The following ZNF8 variants were observed in gnomAD, a reference collection of about 807,000 sequenced individuals.
ZNF8 encodes the protein zinc finger protein 272.
ZNF8 carries 9 observed loss-of-function variants against 12.2 expected under a neutral mutation model. That is an observed-to-expected ratio of 0.73 (90% CI 0.44 to 1.28). ZNF8 has a LOEUF of 1.28. ZNF8 is among the 50% of genes most tolerant of loss of function. The pLI is 0.00. For missense variants in ZNF8, 664 were observed against 729.1 expected (o/e 0.91, Z 1.03); for synonymous variants, 274 against 282.3 (o/e 0.97, Z 0.30).
In ZNF8 at chr19:58,283,895, A is replaced by G. The variant is rs192988027; in HGVS notation, c.67-1822A>G. On this transcript the variant is annotated intron_variant, in intron 1 of 3. Coordinates refer to ENST00000621650, the MANE Select transcript of ZNF8 (RefSeq NM_021089.3). ...ATTACAGGCATGAGCCACCGCTCCC[A>G]GCCCACAAATAAACTGTCTTCATCA... Among the ~76,000 whole-genome samples, 833 of 152,006 alleles carry G rather than the reference A, an allele frequency of 5.5e-3. 3 individuals carry two copies. Among genetic ancestry groups the G allele is most frequent in the Non-Finnish European group, 8.8e-3 (601 of 67,962 alleles).
chr19:58,279,427 C>T lies in ZNF8; in HGVS notation c.66+280C>T, dbSNP rs530852120. ...CATTCCCGAGAGAATCGAGCAGGCCCATCTCCTGCGTTCTGCTCCGCCCCG... is the reference window on the plus strand; with the variant it reads ...CATTCCCGAGAGAATCGAGCAGGCCTATCTCCTGCGTTCTGCTCCGCCCCG... On this transcript the variant is annotated intron_variant, in intron 1 of 3. Coordinates refer to ENST00000621650, the MANE Select transcript of ZNF8 (RefSeq NM_021089.3). 1.7e-4 allele frequency: 246 copies of T among 1,450,880 alleles called. 2 individuals carry two copies. The South Asian group carries it at 2.9e-3, about 17-fold the overall frequency. 89.9% of individuals were successfully genotyped at this position (1,450,880 alleles called of 1,614,324 possible). A position where few individuals can be genotyped will look rare whatever the true frequency, so the allele number is the denominator to read the frequency against.
intron 1 of ZNF8, chr19:58,279,666 C>A (rs1483915513): frequency 6.5e-7 from 1 of 1,533,250 alleles, no homozygotes; most frequent in Non-Finnish European, 8.7e-7. Flanking sequence ...TCACCACGCA[C>A]TGAGTGTGAT....
chr19:58,279,314 A>G, intron 1 of ZNF8, 167 bp downstream of exon 1: 2 of 1,493,474 alleles, frequency 1.3e-6, no homozygotes, highest in Non-Finnish European at 1.8e-6. Context: ...CTGGCTGGTC[A>G]GAGAGGGGGC....
chr19:58,295,868 GTAA>G lies in ZNF8; in HGVS notation c.*333_*335del. 1.5e-5 allele frequency: 4 copies of G among 264,078 alleles called. No homozygotes were observed. The highest frequency in any genetic ancestry group is 5.0e-5 in the Admixed American group (1 of 20,114). The allele number at this position is 264,078 out of a possible 1,614,324, so 16.4% of individuals were successfully genotyped here. A position where few individuals can be genotyped will look rare whatever the true frequency, so the allele number is the denominator to read the frequency against. On this transcript the variant is annotated 3_prime_UTR_variant, in exon 4 of 4. Transcript: ENST00000621650. Reference sequence around the variant, plus strand: ...TAAAATGAAAGTAATTTATGGTAGAGTAAATTGTAGAGTAACGTGTACTGACTT... The same window carrying G: ...TAAAATGAAAGTAATTTATGGTAGAGATTGTAGAGTAACGTGTACTGACTT...
In ZNF8 at chr19:58,295,438, C is replaced by T; in HGVS notation, c.1630C>T (p.Gln544Ter). The T allele has an allele frequency of 6.2e-7, 1 of 1,613,848 alleles. No homozygotes were observed. Among genetic ancestry groups the T allele is most frequent in the Non-Finnish European group, 8.5e-7 (1 of 1,179,998 alleles). Residue 544 changes from glutamine (Q) to a stop codon, truncating the protein, a stop_gained, in exon 4 of 4, where the codon CAA (glutamine) becomes TAA (stop). Transcript: ENST00000621650. LOFTEE classifies it low-confidence loss of function (END_TRUNC). ...ESRALALFDI[Q>*]KIMQEKNPVH... ...CAGAGCCCTGGCTTTGTTTGACATC[C>T]AAAAAATCATGCAAGAGAAAAACCC...
intron 3 of ZNF8, among the ~76,000 whole-genome samples, chr19:58,291,754 G>A (rs766505597): frequency 6.6e-6 from 1 of 152,194 alleles, no homozygotes; most frequent in Non-Finnish European, 1.5e-5. Flanking sequence ...CTCATGCCCC[G>A]GGACTGGCAG....
chr19:58,299,879 A>C lies in ZNF8; in HGVS notation c.*4343A>C, dbSNP rs1354757062. Reference sequence around the variant, plus strand: ...CTGGCCTCCAGGATGCCAGAGCCAGAGCTTTGTGGTTCATCTCTAGAGGTT... The same window carrying C: ...CTGGCCTCCAGGATGCCAGAGCCAGCGCTTTGTGGTTCATCTCTAGAGGTT... On this transcript the variant is annotated 3_prime_UTR_variant, in exon 4 of 4. Coordinates refer to ENST00000621650, the MANE Select transcript of ZNF8 (RefSeq NM_021089.3). 6.6e-6 allele frequency: 1 copy of C among 152,170 alleles called. No homozygotes were observed. The highest frequency in any genetic ancestry group is 1.5e-5 in the Non-Finnish European group (1 of 68,056). 9.4% of individuals were successfully genotyped at this position (152,170 alleles called of 1,614,324 possible). A position where few individuals can be genotyped will look rare whatever the true frequency, so the allele number is the denominator to read the frequency against.
At position 58,296,973 on chromosome 19, in the gene ZNF8, T is replaced by C. The variant is rs940434899; in HGVS notation, c.*1437T>C. The C allele has an allele frequency of 3.3e-5, 5 of 152,228 alleles. No individual in the cohort carries two copies. Among genetic ancestry groups the C allele is most frequent in the African/African-American group, 1.2e-4 (5 of 41,452 alleles). 9.4% of individuals were successfully genotyped at this position (152,228 alleles called of 1,614,324 possible). On this transcript the variant is annotated 3_prime_UTR_variant, in exon 4 of 4. Coordinates refer to ENST00000621650, the MANE Select transcript of ZNF8 (RefSeq NM_021089.3). ...GCAGCCAGCTGTGGTGGCTCACGCT[T>C]GTGATCCCAGCACTGTGGGAGGCTG...
chr19:58,295,865 A>ACGGCGACCACC lies in ZNF8; in HGVS notation c.*329_*330insCGGCGACCACC. 7.3e-6 allele frequency: 2 copies of ACGGCGACCACC among 272,210 alleles called. No individual in the cohort carries two copies. Among genetic ancestry groups the ACGGCGACCACC allele is most frequent in the Admixed American group, 4.9e-5 (1 of 20,314 alleles). 16.9% of individuals were successfully genotyped at this position (272,210 alleles called of 1,614,324 possible). A position where few individuals can be genotyped will look rare whatever the true frequency, so the allele number is the denominator to read the frequency against. ...CATTAAAATGAAAGTAATTTATGGT[A>ACGGCGACCACC]GAGTAAATTGTAGAGTAACGTGTAC... On this transcript the variant is annotated 3_prime_UTR_variant, in exon 4 of 4. Transcript: ENST00000621650.
intron 1 of ZNF8, among the ~76,000 whole-genome samples, chr19:58,285,340 ATTAG>A (rs1300812105): frequency 6.6e-6 from 1 of 152,104 alleles, no homozygotes; most frequent in South Asian, 2.1e-4. Flanking sequence ...TAGTGAGTGT[ATTAG>A]TTAGCTGCTG....
chr19:58,284,104 G>A (rs907709137), intron 1 of ZNF8, among the ~76,000 whole-genome samples: 4 of 152,020 alleles, frequency 2.6e-5, no homozygotes, highest in Admixed American at 2.6e-4. Flanking sequence ...TGCACCTGTA[G>A]TCCTAGCTAC....
In ZNF8 at chr19:58,279,048, A is replaced by C. The variant is rs1600449133; in HGVS notation, c.-34A>C. 1.4e-6 allele frequency: 2 copies of C among 1,399,532 alleles called. No individual in the cohort carries two copies. Among genetic ancestry groups the C allele is most frequent in the Non-Finnish European group, 1.9e-6 (2 of 1,067,862 alleles). 86.7% of individuals were successfully genotyped at this position (1,399,532 alleles called of 1,614,324 possible). A position where few individuals can be genotyped will look rare whatever the true frequency, so the allele number is the denominator to read the frequency against. On this transcript the variant is annotated 5_prime_UTR_variant, in exon 1 of 4. Transcript: ENST00000621650. ...GGAGTGCCTCTCTGGTCTGGGGATC[A>C]CCTCAGGCGCTGTCCTTCACTGGGC...
rs777954745 is a variant in ZNF8, at chr19:58,295,057, C to T, written c.1249C>T (p.Arg417Trp). ...CAGCTCATCCCTGGCCCAGCACCAG[C>T]GGAAGCACGCGGGGGAGAAGCCCTT... is the stretch of plus-strand genomic sequence containing the variant. Reference protein sequence around the residue: ...RHSSSLAQHQRKHAGEKPFEC... With the variant: ...RHSSSLAQHQWKHAGEKPFEC... The change falls in exon 4 of 4, where the codon CGG becomes TGG. Residue 417 changes from arginine (R) to tryptophan (W), a missense_variant. Transcript: ENST00000621650. 2.5e-5 allele frequency: 41 copies of T among 1,613,978 alleles called. No homozygotes were observed. Among genetic ancestry groups the T allele is most frequent in the South Asian group, 1.4e-4 (13 of 91,086 alleles).
chr19:58,289,710 A>G (rs1371389154), intron 3 of ZNF8, among the ~76,000 whole-genome samples: 2 of 150,762 alleles, frequency 1.3e-5, no homozygotes, highest in Non-Finnish European at 3.0e-5. Flanking sequence ...CATTATCACA[A>G]CCGCTTCCCT....
chr19:58,279,849 T>G lies in ZNF8; in HGVS notation c.66+702T>G. ...TGGCAGGAAACAACAATAATTATCC[T>G]TCCTCAAGCTCTGCAACTTTGAAAT... On this transcript the variant is annotated intron_variant, in intron 1 of 3. Coordinates refer to ENST00000621650, the MANE Select transcript of ZNF8 (RefSeq NM_021089.3). 2.1e-5 allele frequency: 27 copies of G among 1,312,112 alleles called. No individual in the cohort carries two copies. In the East Asian group the frequency reaches 2.3e-4, roughly 11 times the overall value. 81.3% of individuals were successfully genotyped at this position (1,312,112 alleles called of 1,614,324 possible). A position where few individuals can be genotyped will look rare whatever the true frequency, so the allele number is the denominator to read the frequency against.
Position 58,295,719 on chromosome 19 carries a change from CT to C in ZNF8, c.*186del. On this transcript the variant is annotated 3_prime_UTR_variant, in exon 4 of 4. Coordinates refer to ENST00000621650, the MANE Select transcript of ZNF8 (RefSeq NM_021089.3). Reference sequence around the variant, plus strand: ...CCAAATCTATCAAACTCAGTGCCCTCTTTAGCGACATATTTTGTGACATTCC... The same window carrying C: ...CCAAATCTATCAAACTCAGTGCCCTCTTAGCGACATATTTTGTGACATTCC... 1 of 573,086 alleles carries C rather than the reference CT, an allele frequency of 1.7e-6. No individual in the cohort carries two copies. The highest frequency in any genetic ancestry group is 3.0e-6 in the Non-Finnish European group (1 of 329,028). The allele number at this position is 573,086 out of a possible 1,614,324, so 35.5% of individuals were successfully genotyped here. A position where few individuals can be genotyped will look rare whatever the true frequency, so the allele number is the denominator to read the frequency against.
In ZNF8 at chr19:58,295,482, G is replaced by A. The variant is rs200638000; in HGVS notation, c.1674G>A (p.Val558=). ...AAAACCCTGTGCACGTTATTGGGGT[G>A]GAAGAGCCTTCTGTGGGTGCTTCCA... ...QEKNPVHVIG[V]EEPSVGASML... The change falls in exon 4 of 4, where the codon GTG becomes GTA. Residue 558 remains valine (V), a synonymous_variant. Transcript: ENST00000621650. 78 of 1,611,688 alleles carry A rather than the reference G, an allele frequency of 4.8e-5. No homozygotes were observed. In the Middle Eastern group the frequency reaches 3.3e-3, roughly 68 times the overall value.
At chr19:58,283,859 A>G (rs7245768) in intron 1 of ZNF8, among the ~76,000 whole-genome samples, 23 of 151,710 alleles carry the variant, frequency 1.5e-4, no homozygotes, top group African/African-American at 5.5e-4. Context: ...TCGGCCTCCC[A>G]AAGTGCTGGG....
chr19:58,294,586 A>G lies in ZNF8; in HGVS notation c.778A>G (p.Thr260Ala), dbSNP rs867299811. 1 of 1,614,170 alleles carries G rather than the reference A, an allele frequency of 6.2e-7. No homozygotes were observed. The highest frequency in any genetic ancestry group is 8.5e-7 in the Non-Finnish European group (1 of 1,180,044). ...SQVQDKPYKCTDCGKSFNHNA... is the reference protein window; with the variant it reads ...SQVQDKPYKCADCGKSFNHNA... Reference sequence around the variant, plus strand: ...GGTGCAGGACAAACCCTACAAATGTACTGACTGTGGGAAGTCGTTTAACCA... The same window carrying G: ...GGTGCAGGACAAACCCTACAAATGTGCTGACTGTGGGAAGTCGTTTAACCA... Residue 260 changes from threonine (T) to alanine (A), a missense_variant, in exon 4 of 4, where the codon ACT becomes GCT. Around this residue, in one of 3 missense-constraint regions of ZNF8, gnomAD observed 133 missense variants for 198.4 expected, o/e 0.67. Transcript: ENST00000621650. The surrounding 1 kb of genome is among the most constrained non-coding windows in gnomAD (Gnocchi z 5.5).
Sources: gnomAD v4.1 joint callset for allele counts (sites outside exome capture counted in the v4.1 genomes callset) on GRCh38, gnomAD v4.1.1 for gene constraint, gnomAD v4.1.1 regional missense constraint, Gnocchi (gnomAD v3.1) non-coding constraint, MANE v1.5 for transcripts, NCBI Gene and HGNC (gene_info 2026-07-23, HGNC 2026-07-21) for gene names.